OPALIN: variants seen among roughly 807,000 people sequenced by gnomAD.
OPALIN encodes the protein oligodendrocytic myelin paranodal and inner loop protein.
Under a neutral mutation model 17.8 loss-of-function variants are expected in OPALIN, and 15 were observed. The ratio of observed to expected loss-of-function variants is 0.84; its 90% CI spans 0.56 to 1.29. The LOEUF (loss-of-function observed/expected upper bound fraction) is 1.29, where lower values mean the gene tolerates loss of function less well. Among genes scored for constraint, OPALIN ranks in the 50% most tolerant of loss-of-function variants. The probability of loss-of-function intolerance (pLI) is 0.00; values close to 1 mark genes in which losing one functional copy is unlikely to be tolerated. For synonymous variants in OPALIN, 62 were observed against 63.8 expected (o/e 0.97, Z 0.14); for missense variants, 170 against 176.0 (o/e 0.97, Z 0.19).
At chr10:96,353,427 T>C (rs762746498) in intron 2 of OPALIN, 3 of 1,613,640 alleles carry the variant, frequency 1.9e-6, no homozygotes, top group Non-Finnish European at 2.5e-6. Context: ...GAAATGTGAC[T>C]TCCAGGCAGG....
chr10:96,350,109 A>C (rs1845516131), intron 3 of OPALIN, among the ~76,000 whole-genome samples: 1 of 152,262 alleles, frequency 6.6e-6, no homozygotes, highest in Admixed American at 6.5e-5. Context: ...TTAGAACAGA[A>C]ATACAAATGT....
chr10:96,349,179 G>A lies in OPALIN; in HGVS notation c.192+528C>T, dbSNP rs367717502. 2.3e-4 allele frequency among the ~76,000 whole-genome samples: 35 copies of A among 152,298 alleles called. No individual in the cohort carries two copies. In the South Asian group the frequency reaches 7.3e-3, roughly 32 times the overall value. Reference sequence around the variant, plus strand: ...AGTTGTGTCACAACCATGGAACCTTGTTGGATATGAGTCTAGGTGGCTTTT... The same window carrying A: ...AGTTGTGTCACAACCATGGAACCTTATTGGATATGAGTCTAGGTGGCTTTT... On this transcript the variant is annotated intron_variant, in intron 4 of 5. Coordinates refer to ENST00000371172, the MANE Select transcript of OPALIN (RefSeq NM_033207.5).
At chr10:96,348,165 C>G (rs1845417400) in intron 5 of OPALIN, 124 bp downstream of exon 5, 1 of 448,274 alleles carries the variant, frequency 2.2e-6, no homozygotes, top group Non-Finnish European at 4.0e-6. Context: ...TGTGCTTGAG[C>G]TTCCTCTTGG....
chr10:96,353,576 T>C (rs12571241), intron 2 of OPALIN: 138,339 of 771,968 alleles, frequency 0.18, 16,219 homozygotes, highest in East Asian at 0.48. Context: ...AGAAATGAGC[T>C]GTTAACCAAG....
Position 96,345,879 on chromosome 10 carries a change from C to CA in OPALIN, c.*61dup, listed in dbSNP as rs1047615320. Reference sequence around the variant, plus strand: ...GCTTGGCATCTTTCCTCTCCAAGTACAAAACCCTGGGTTTTCAACCCTGTT... The same window carrying CA: ...GCTTGGCATCTTTCCTCTCCAAGTACAAAAACCCTGGGTTTTCAACCCTGTT... On this transcript the variant is annotated 3_prime_UTR_variant, in exon 6 of 6. Coordinates refer to ENST00000371172, the MANE Select transcript of OPALIN (RefSeq NM_033207.5). 1.1e-5 allele frequency: 17 copies of CA among 1,539,356 alleles called. No homozygotes were observed. In the African/African-American group the frequency reaches 2.1e-4, roughly 19 times the overall value.
chr10:96,345,100 T>G lies in OPALIN; in HGVS notation c.*841A>C, dbSNP rs1564879761. 6.6e-6 allele frequency: 1 copy of G among 152,218 alleles called. No individual in the cohort carries two copies. The highest frequency in any genetic ancestry group is 1.5e-5 in the Non-Finnish European group (1 of 68,050). The allele number at this position is 152,218 out of a possible 1,614,324, so 9.4% of individuals were successfully genotyped here. On this transcript the variant is annotated 3_prime_UTR_variant, in exon 6 of 6. Coordinates refer to ENST00000371172, the MANE Select transcript of OPALIN (RefSeq NM_033207.5). ...AGAAAGTTTGTCCTAAATGTTCCCT[T>G]GTGTGGCCCTGTGACTATGGGGAAC...
rs767731394 is a variant in OPALIN at position 96,343,647 on chromosome 10, G to A, written c.*2294C>T. Reference sequence around the variant, plus strand: ...CATGTAGGAGAAGTACAAGCACCAGGATGACTGGGAATGTCTGTTTAAAAA... The same window carrying A: ...CATGTAGGAGAAGTACAAGCACCAGAATGACTGGGAATGTCTGTTTAAAAA... On this transcript the variant is annotated 3_prime_UTR_variant, in exon 6 of 6. Transcript: ENST00000371172. 2 of 152,240 alleles carry A rather than the reference G, an allele frequency of 1.3e-5. No individual in the cohort carries two copies. Among genetic ancestry groups the A allele is most frequent in the African/African-American group, 2.4e-5 (1 of 41,458 alleles). 9.4% of individuals were successfully genotyped at this position (152,240 alleles called of 1,614,324 possible).
Position 96,358,924 on chromosome 10 carries a change from C to T in OPALIN, c.-28G>A, listed in dbSNP as rs202014349. 2.2e-4 allele frequency: 356 copies of T among 1,613,340 alleles called. No homozygotes were observed. The highest frequency in any genetic ancestry group is 5.6e-4 in the African/African-American group (42 of 74,940). On this transcript the variant is annotated 5_prime_UTR_variant, in exon 1 of 6. Transcript: ENST00000371172. Reference sequence around the variant, plus strand: ...CTGACAGTCTCCCAGGAACCTTCTTCGTACACTGCCTTTGGTAAGCTCCTT... The same window carrying T: ...CTGACAGTCTCCCAGGAACCTTCTTTGTACACTGCCTTTGGTAAGCTCCTT...
At chr10:96,357,485 A>C (rs1171387532) in intron 1 of OPALIN, among the ~76,000 whole-genome samples, 1 of 152,184 alleles carries the variant, frequency 6.6e-6, no homozygotes, top group Non-Finnish European at 1.5e-5. Flanking sequence ...CACCTGATCT[A>C]AATTCGAGCC....
chr10:96,351,316 T>C (rs956408547), intron 3 of OPALIN, 62 bp downstream of exon 3: 1 of 1,006,552 alleles, frequency 9.9e-7, no homozygotes, highest in Non-Finnish European at 1.5e-6. Flanking sequence ...TCAAAACAAA[T>C]GCTCAAGATG....
intron 5 of OPALIN, among the ~76,000 whole-genome samples, chr10:96,347,322 G>A (rs1249799493): frequency 1.3e-5 from 2 of 152,028 alleles, no homozygotes; most frequent in African/African-American, 2.4e-5. Context: ...TAGAACTCCT[G>A]ACCTCAGGTG....
At chr10:96,355,182 T>C (rs1158357117) in intron 2 of OPALIN, 73 bp downstream of exon 2, 2 of 1,234,554 alleles carry the variant, frequency 1.6e-6, no homozygotes, top group African/African-American at 3.1e-5. Flanking sequence ...TTTATGTGAG[T>C]TCTGGAGACC....
At position 96,354,168 on chromosome 10, in the gene OPALIN, T is replaced by C. The variant is rs533774752; in HGVS notation, c.39+1087A>G. On this transcript the variant is annotated intron_variant, in intron 2 of 5. Transcript: ENST00000371172. ...GCCAGAAAAATGCCTTGCTCAACCA[T>C]AGTAGTGCTACTGATCAGATAACAA... Among the ~76,000 whole-genome samples, 13 of 152,226 alleles carry C rather than the reference T, an allele frequency of 8.5e-5. 1 individual carries two copies. Among genetic ancestry groups the C allele is most frequent in the African/African-American group, 3.1e-4 (13 of 41,546 alleles).
Position 96,344,467 on chromosome 10 carries a change from A to AT in OPALIN, c.*1473_*1474insA, listed in dbSNP as rs34053855. The stretch of plus-strand genomic sequence containing the variant: ...GAAGAGTACAGAAGAAAAAAAAAAA[A>AT]GGCTGGGGATGGATTGGAAAATGGG... On this transcript the variant is annotated 3_prime_UTR_variant, in exon 6 of 6. Coordinates refer to ENST00000371172, the MANE Select transcript of OPALIN (RefSeq NM_033207.5). 0.67 allele frequency: 100,144 copies of AT among 150,092 alleles called. 36,164 individuals are homozygous for AT. The highest frequency in any genetic ancestry group is 0.81 in the Non-Finnish European group (54,817 of 67,604). 9.3% of individuals were successfully genotyped at this position (150,092 alleles called of 1,614,324 possible).
rs80352587 is a variant in OPALIN at position 96,353,153 on chromosome 10, A to G, written c.40-1743T>C. On this transcript the variant is annotated intron_variant, in intron 2 of 5. Coordinates refer to ENST00000371172, the MANE Select transcript of OPALIN (RefSeq NM_033207.5). ...CCCGGGCAGTCTGGCTCTGGGATCCATGCTCTTAACCACTGTGCTACATGG... is the reference window on the plus strand; with the variant it reads ...CCCGGGCAGTCTGGCTCTGGGATCCGTGCTCTTAACCACTGTGCTACATGG... Among the ~76,000 whole-genome samples the G allele has an allele frequency of 6.4e-3, 971 of 152,320 alleles. 15 individuals carry two copies. Among genetic ancestry groups the G allele is most frequent in the African/African-American group, 0.022 (927 of 41,574 alleles).
At position 96,345,000 on chromosome 10, in the gene OPALIN, T is replaced by G. The variant is rs1379603256; in HGVS notation, c.*941A>C. 1.3e-5 allele frequency: 2 copies of G among 152,216 alleles called. No homozygotes were observed. The highest frequency in any genetic ancestry group is 2.4e-5 in the African/African-American group (1 of 41,448). 9.4% of individuals were successfully genotyped at this position (152,216 alleles called of 1,614,324 possible). On this transcript the variant is annotated 3_prime_UTR_variant, in exon 6 of 6. Coordinates refer to ENST00000371172, the MANE Select transcript of OPALIN (RefSeq NM_033207.5). The stretch of plus-strand genomic sequence containing the variant: ...ATTCATATGAGGACACGATCACACC[T>G]AGATTGGAAGATTCACATACTACCA...
rs1280096941 is a variant in OPALIN, at chr10:96,345,747, AAGATCTG to A, written c.*187_*193del. On this transcript the variant is annotated 3_prime_UTR_variant, in exon 6 of 6. Transcript: ENST00000371172. The stretch of plus-strand genomic sequence containing the variant: ...GAGTCACATGTACTAACTAAAGCAC[AAGATCTG>A]AGAGTTGGAATTAACCATGTTGGGG... 1.8e-6 allele frequency: 1 copy of A among 550,760 alleles called. No individual in the cohort carries two copies. The highest frequency in any genetic ancestry group is 3.2e-6 in the Non-Finnish European group (1 of 313,162). 34.1% of individuals were successfully genotyped at this position (550,760 alleles called of 1,614,324 possible). A position where few individuals can be genotyped will look rare whatever the true frequency, so the allele number is the denominator to read the frequency against.
rs1044857220 is a variant in OPALIN at position 96,344,120 on chromosome 10, A to G, written c.*1821T>C. 1 of 152,174 alleles carries G rather than the reference A, an allele frequency of 6.6e-6. No homozygotes were observed. Among genetic ancestry groups the G allele is most frequent in the Non-Finnish European group, 1.5e-5 (1 of 68,076 alleles). The allele number at this position is 152,174 out of a possible 1,614,324, so 9.4% of individuals were successfully genotyped here. On this transcript the variant is annotated 3_prime_UTR_variant, in exon 6 of 6. Coordinates refer to ENST00000371172, the MANE Select transcript of OPALIN (RefSeq NM_033207.5). The stretch of plus-strand genomic sequence containing the variant: ...GTCCTCTTGATTTTTCTTTCTGCCA[A>G]ACAGCTTTCCCCTAGATATCCAAGG...
chr10:96,349,980 GT>G lies in OPALIN; in HGVS notation c.73-155del, dbSNP rs34540159. 5.3e-4 allele frequency among the ~76,000 whole-genome samples: 80 copies of G among 152,290 alleles called. No homozygotes were observed. The East Asian group carries it at 7.3e-3, about 14-fold the overall frequency. On this transcript the variant is annotated intron_variant, in intron 3 of 5. Coordinates refer to ENST00000371172, the MANE Select transcript of OPALIN (RefSeq NM_033207.5). ...GGGTAATGAAATACTGTGCAAAAATGTTTGTAACACACATGACAAATGACTT... is the reference window on the plus strand; with the variant it reads ...GGGTAATGAAATACTGTGCAAAAATGTTGTAACACACATGACAAATGACTT...
Sources: gnomAD v4.1 joint callset for allele counts (sites outside exome capture counted in the v4.1 genomes callset) on GRCh38, gnomAD v4.1.1 for gene constraint, MANE v1.5 for transcripts, NCBI Gene and HGNC (gene_info 2026-07-23, HGNC 2026-07-21) for gene names.